The following EHD2 variants were observed in gnomAD, a reference collection of about 807,000 sequenced individuals.
EHD2 encodes EH domain-containing protein 2.
EHD2 carries 27 observed loss-of-function variants against 41.0 expected under a neutral mutation model. The observed-to-expected ratio is 0.66, with a 90% CI of 0.49 to 0.91. The LOEUF is 0.91. Ranked by LOEUF, EHD2 falls within the 40% of genes least tolerant of loss-of-function variation. The probability of loss-of-function intolerance (pLI) is 0.00; values close to 1 mark genes in which losing one functional copy is unlikely to be tolerated. For missense variants in EHD2, 673 were observed against 773.9 expected (o/e 0.87, Z 1.55); for synonymous variants, 342 against 341.0 (o/e 1.00, Z -0.03).
intron 4 of EHD2, among the ~76,000 whole-genome samples, chr19:47,728,449 C>T (rs1320518582): frequency 2.0e-5 from 3 of 152,088 alleles, no homozygotes; most frequent in Admixed American, 6.6e-5. Context: ...CCCCCATATG[C>T]GTCCTTCTTT....
At chr19:47,738,592 G>C (rs887258734) in intron 5 of EHD2, among the ~76,000 whole-genome samples, 2 of 152,222 alleles carry the variant, frequency 1.3e-5, no homozygotes, top group Non-Finnish European at 2.9e-5. Flanking sequence ...ATGAGCCACT[G>C]CGCCCGGCCT....
chr19:47,737,002 C>T (rs1007302726), intron 5 of EHD2, among the ~76,000 whole-genome samples: 18 of 152,092 alleles, frequency 1.2e-4, no homozygotes, highest in African/African-American at 1.7e-4. Context: ...GAGGCCGAGG[C>T]GGGCGGATCA....
rs1966999651 is a variant in EHD2 at position 47,742,258 on chromosome 19, C to T, written c.*826C>T. On this transcript the variant is annotated 3_prime_UTR_variant, in exon 6 of 6. Transcript: ENST00000263277. The stretch of plus-strand genomic sequence containing the variant: ...TTTGCCCCCAGTTCTGTCCACACCC[C>T]TTCCCTTTCCTGTCCTGTCCTTTCT... 1 of 303,940 alleles carries T rather than the reference C, an allele frequency of 3.3e-6. No homozygotes were observed. The highest frequency in any genetic ancestry group is 6.3e-6 in the Non-Finnish European group (1 of 158,832). The allele number at this position is 303,940 out of a possible 1,614,324, so 18.8% of individuals were successfully genotyped here. A position where few individuals can be genotyped will look rare whatever the true frequency, so the allele number is the denominator to read the frequency against.
At chr19:47,731,526 T>C (rs1320439511) in intron 4 of EHD2, 1 of 151,416 alleles carries the variant, frequency 6.6e-6, no homozygotes, top group Non-Finnish European at 1.5e-5. Flanking sequence ...GCCAGGCTGG[T>C]CTCGAACTCC....
intron 4 of EHD2, chr19:47,731,304 A>ATATATACG (rs1973812477): frequency 3.5e-5 from 2 of 57,822 alleles, no homozygotes; most frequent in African/African-American, 8.6e-5. Flanking sequence ...ATATATATAC[A>ATATATACG]TATATATATA....
In EHD2 at chr19:47,716,841, T is replaced by C. The variant is rs1417666943; in HGVS notation, c.229T>C (p.Tyr77His). 9 of 1,610,108 alleles carry C rather than the reference T, an allele frequency of 5.6e-6. No individual in the cohort carries two copies. Among genetic ancestry groups the C allele is most frequent in the Non-Finnish European group, 8.5e-7 (1 of 1,178,044 alleles). The change falls in exon 2 of 6, where the codon TAC becomes CAC. Residue 77 changes from tyrosine to histidine, a missense_variant. Coordinates refer to ENST00000263277, the MANE Select transcript of EHD2 (RefSeq NM_014601.4). The stretch of plus-strand genomic sequence containing the variant: ...CACGGGCAAGACCAGCTTCATCCAG[T>C]ACCTGCTGGAGCAGGAGGTGCCCGG... ...YSTGKTSFIQ[Y>H]LLEQEVPGSR... is the part of the protein sequence containing the mutation.
Position 47,713,793 on chromosome 19 carries a change from C to G in EHD2, c.-56+255C>G, listed in dbSNP as rs536045199. Among the ~76,000 whole-genome samples the G allele has an allele frequency of 3.3e-5, 5 of 152,090 alleles. No individual in the cohort carries two copies. In the East Asian group the frequency reaches 7.8e-4, roughly 24 times the overall value. The stretch of plus-strand genomic sequence containing the variant: ...CTCCCCCAGTCTCCTCCATCCTCCC[C>G]CAACACCCCTCCCTATCCCCTGGGC... On this transcript the variant is annotated intron_variant, in intron 1 of 5. Coordinates refer to ENST00000263277, the MANE Select transcript of EHD2 (RefSeq NM_014601.4).
chr19:47,731,314 A>ATATACATATATAT (rs1160770476), intron 4 of EHD2: 14 of 113,952 alleles, frequency 1.2e-4, no homozygotes, highest in Non-Finnish European at 2.3e-4. Flanking sequence ...ATATATATAT[A>ATATACATATATAT]ATTTTTTTTT....
chr19:47,728,865 C>T (rs11672783), intron 4 of EHD2, among the ~76,000 whole-genome samples: 8 of 152,250 alleles, frequency 5.3e-5, no homozygotes, highest in Non-Finnish European at 8.8e-5. Flanking sequence ...CCACCACACC[C>T]AGCCAATCAG....
At position 47,741,701 on chromosome 19, in the gene EHD2, C is replaced by A; in HGVS notation, c.*269C>A. On this transcript the variant is annotated 3_prime_UTR_variant, in exon 6 of 6. Coordinates refer to ENST00000263277, the MANE Select transcript of EHD2 (RefSeq NM_014601.4). The surrounding 1 kb of genome is among the most constrained non-coding windows in gnomAD (Gnocchi z 4.5). The stretch of plus-strand genomic sequence containing the variant: ...CACACTGGCACACGCAGGCATCCAT[C>A]CATCCGTCATTCATTCAAATATTTA... 1 of 631,680 alleles carries A rather than the reference C, an allele frequency of 1.6e-6. No individual in the cohort carries two copies. The highest frequency in any genetic ancestry group is 2.8e-6 in the Non-Finnish European group (1 of 351,200). 39.1% of individuals were successfully genotyped at this position (631,680 alleles called of 1,614,324 possible).
chr19:47,733,751 CAAAAAAA>C lies in EHD2; in HGVS notation c.916-2600_916-2594del, dbSNP rs34254815. ...TGGGTGACAGAGCAAGACTCTGTCT[CAAAAAAA>C]AAAAAAAAAAAAAAAAATCCACTGT... On this transcript the variant is annotated intron_variant, in intron 4 of 5. Transcript: ENST00000263277. Among the ~76,000 whole-genome samples the C allele has an allele frequency of 2.6e-4, 15 of 57,126 alleles. No individual in the cohort carries two copies. In the East Asian group the frequency reaches 4.1e-3, roughly 16 times the overall value. 37.5% of individuals were successfully genotyped at this position (57,126 alleles called of 152,430 possible). A position where few individuals can be genotyped will look rare whatever the true frequency, so the allele number is the denominator to read the frequency against.
At position 47,742,038 on chromosome 19, in the gene EHD2, A is replaced by G; in HGVS notation, c.*606A>G. Reference sequence around the variant, plus strand: ...GGACCATGGGGGGCTCAGAGGGGAGACACACCTACTGCTTCCTCAGATGGG... The same window carrying G: ...GGACCATGGGGGGCTCAGAGGGGAGGCACACCTACTGCTTCCTCAGATGGG... On this transcript the variant is annotated 3_prime_UTR_variant, in exon 6 of 6. Coordinates refer to ENST00000263277, the MANE Select transcript of EHD2 (RefSeq NM_014601.4). 2.3e-6 allele frequency: 1 copy of G among 437,996 alleles called. No homozygotes were observed. The highest frequency in any genetic ancestry group is 4.6e-6 in the Non-Finnish European group (1 of 218,944). 27.1% of individuals were successfully genotyped at this position (437,996 alleles called of 1,614,324 possible). A position where few individuals can be genotyped will look rare whatever the true frequency, so the allele number is the denominator to read the frequency against.
At chr19:47,714,284 C>T (rs376850571) in intron 1 of EHD2, among the ~76,000 whole-genome samples, 4 of 152,256 alleles carry the variant, frequency 2.6e-5, no homozygotes, top group East Asian at 1.9e-4. Flanking sequence ...TCCCTGCCCC[C>T]GCCCTGGAAT....
intron 4 of EHD2, among the ~76,000 whole-genome samples, chr19:47,727,297 T>C (rs527576572): frequency 1.3e-5 from 2 of 151,246 alleles, no homozygotes; most frequent in East Asian, 2.0e-4. Context: ...AGAGTATTTT[T>C]AGTTGGTCAG....
At chr19:47,728,100 T>A (rs12985123) in intron 4 of EHD2, among the ~76,000 whole-genome samples, 57,315 of 133,028 alleles carry the variant, frequency 0.43, 12,869 homozygotes, top group African/African-American at 0.56. Context: ...TGTCTCAAAA[T>A]AAAAAAAAAA....
At chr19:47,732,763 G>A (rs938322399) in intron 4 of EHD2, among the ~76,000 whole-genome samples, 1 of 151,952 alleles carries the variant, frequency 6.6e-6, no homozygotes, top group African/African-American at 2.4e-5. Context: ...TCATTATTCT[G>A]CTCTCCTTGT....
intron 4 of EHD2, among the ~76,000 whole-genome samples, chr19:47,726,486 CCTCCTT>C (rs1421216377): frequency 1.3e-5 from 2 of 151,716 alleles, no homozygotes; most frequent in East Asian, 3.9e-4. Flanking sequence ...TCCTCCTCCT[CCTCCTT>C]CTCTTCTTCT....
chr19:47,725,856 G>T lies in EHD2; in HGVS notation c.547G>T (p.Asp183Tyr). ...GCTGCGCTGGTTCGCGGAGCGCGTG[G>T]ACCTCATCATCCTGCTCTTTGATGC... is the stretch of plus-strand genomic sequence containing the variant. ...AVLRWFAERV[D>Y]LIILLFDAHK... Residue 183 changes from aspartate (D) to tyrosine (Y), a missense_variant, in exon 4 of 6, where the codon GAC (aspartate) becomes TAC (tyrosine). Physicochemically the swap from Asp to Tyr is radical, Grantham distance 160. Coordinates refer to ENST00000263277, the MANE Select transcript of EHD2 (RefSeq NM_014601.4). 1 of 1,610,284 alleles carries T rather than the reference G, an allele frequency of 6.2e-7. No homozygotes were observed. The highest frequency in any genetic ancestry group is 1.1e-5 in the South Asian group (1 of 90,986).
In EHD2 at chr19:47,740,867, G is replaced by T; in HGVS notation, c.1081-14G>T. 6.2e-7 allele frequency: 1 copy of T among 1,611,008 alleles called. No individual in the cohort carries two copies. Among genetic ancestry groups the T allele is most frequent in the Non-Finnish European group, 8.5e-7 (1 of 1,179,402 alleles). ...CGCCGCTTGAATTCTGGGTGCCCCT[G>T]TCCCCCACCACAGGAGCTGCTGATG... On this transcript the variant is annotated splice_polypyrimidine_tract_variant and intron_variant, in intron 5 of 5. Coordinates refer to ENST00000263277, the MANE Select transcript of EHD2 (RefSeq NM_014601.4).
Sources: allele counts gnomAD v4.1 joint callset (sites outside exome capture counted in the v4.1 genomes callset), GRCh38; gene constraint gnomAD v4.1.1; non-coding constraint Gnocchi (gnomAD v3.1); transcripts MANE v1.5; gene names NCBI Gene and HGNC (gene_info 2026-07-23, HGNC 2026-07-21).